Variants in VRTN observed in about 807,000 individuals in gnomAD.
VRTN encodes vertebrae development associated.
VRTN carries 5 observed loss-of-function variants against 18.2 expected under a neutral mutation model. The ratio of observed to expected loss-of-function variants is 0.27; its 90% CI spans 0.14 to 0.58. VRTN has a LOEUF of 0.58. Ranked by LOEUF, VRTN falls within the 20% of genes least tolerant of loss-of-function variation. The pLI, the probability that VRTN is intolerant of heterozygous loss-of-function variation, is 0.91. For synonymous variants in VRTN, 381 were observed against 393.7 expected, an observed-to-expected ratio of 0.97 and a Z score of 0.38; for missense variants, 741 against 939.4, an observed-to-expected ratio of 0.79 and a Z score of 2.76.
intron 1 of VRTN, among the ~76,000 whole-genome samples, chr14:74,353,931 C>A (rs1447264524): frequency 6.6e-6 from 1 of 151,934 alleles, no homozygotes; most frequent in African/African-American, 2.4e-5. Flanking sequence ...ACCATGCTAG[C>A]CAGGATGGAT....
chr14:74,348,832 A>AT (rs2085662623), intron 1 of VRTN, among the ~76,000 whole-genome samples, 180 bp downstream of exon 1: 1 of 151,610 alleles, frequency 6.6e-6, no homozygotes, highest in Non-Finnish European at 1.5e-5. Flanking sequence ...GAGAGGACGC[A>AT]TTGTTTCAAG....
intron 1 of VRTN, among the ~76,000 whole-genome samples, chr14:74,322,284 G>A (rs1291999410): frequency 6.6e-6 from 1 of 151,834 alleles, no homozygotes; most frequent in Non-Finnish European, 1.5e-5. Context: ...TGAGTAGCTG[G>A]GACCACAGGA....
rs1567041645 is a variant in VRTN, at chr14:74,331,547, TATA to T, written c.-163-6175_-163-6173del. 7.5e-4 allele frequency among the ~76,000 whole-genome samples: 20 copies of T among 26,728 alleles called. 1 individual carries two copies. The South Asian group carries it at 0.013, about 17-fold the overall frequency. 17.5% of individuals were successfully genotyped at this position (26,728 alleles called of 152,430 possible). On this transcript the variant is annotated intron_variant, in intron 1 of 2. Transcript: ENST00000557177. ...TCCATCTCAAAAAAAAAAAATTTTA[TATA>T]TATATATATATATATATATATATAT...
intron 1 of VRTN, among the ~76,000 whole-genome samples, chr14:74,330,135 A>T (rs1372490068): frequency 6.6e-6 from 1 of 151,862 alleles, no homozygotes; most frequent in Non-Finnish European, 1.5e-5. Context: ...TCGGCCTCCC[A>T]GAGTGCTAGG....
chr14:74,303,178 C>T, the VRTN span: 1 of 408,226 alleles, frequency 2.4e-6, no homozygotes, highest in Non-Finnish European at 4.3e-6. Flanking sequence ...TACTTTATGG[C>T]AAGTATTTTA....
upstream of VRTN, among the ~76,000 whole-genome samples, chr14:74,343,748 C>T (rs950918599): frequency 6.6e-6 from 1 of 152,074 alleles, no homozygotes; most frequent in African/African-American, 2.4e-5. Flanking sequence ...GTAAAATACA[C>T]ACCAGATTTT....
chr14:74,350,743 T>A (rs1418246091), intron 1 of VRTN, among the ~76,000 whole-genome samples: 2 of 152,134 alleles, frequency 1.3e-5, no homozygotes, highest in Admixed American at 1.3e-4. Context: ...GGACTAGGGA[T>A]CCTGTAGATA....
At chr14:74,352,185 AT>A (rs2085690406) in intron 1 of VRTN, among the ~76,000 whole-genome samples, 2 of 146,488 alleles carry the variant, frequency 1.4e-5, no homozygotes, top group Non-Finnish European at 3.0e-5. Flanking sequence ...TTTATGTTTT[AT>A]TTTTTATTTT....
At position 74,358,471 on chromosome 14, in the gene VRTN, C is replaced by T. The variant is rs940877540; in HGVS notation, c.1688C>T (p.Pro563Leu). The T allele has an allele frequency of 5.0e-6, 8 of 1,614,052 alleles. No individual in the cohort carries two copies. In the Admixed American group the frequency reaches 1.2e-4, roughly 24 times the overall value. Residue 563 changes from proline (P) to leucine (L), a missense_variant, in exon 2 of 2, where the codon CCC becomes CTC. Pro to Leu is a moderately conservative substitution (Grantham distance 98). This residue lies in a region of VRTN where 494 missense variants were observed against 546.5 expected (regional missense o/e 0.90). Transcript: ENST00000256362. This position sits in a 1 kb window ranked among gnomAD's most constrained non-coding sequence, Gnocchi z 5.4. ...RGLSKLQVPVPTLGKGGQEAE... is the reference protein window; with the variant it reads ...RGLSKLQVPVLTLGKGGQEAE... ...CTGTCCAAACTTCAGGTGCCGGTCC[C>T]CACCTTGGGCAAAGGGGGGCAGGAG...
rs536688888 is a variant in VRTN, at chr14:74,320,203, T to A, written c.-164+17027T>A. ...TCTTCGAGGCTGCAGTGAGCTATGATTATGCCACTGTACTCCAGCCTGGGT... is the reference window on the plus strand; with the variant it reads ...TCTTCGAGGCTGCAGTGAGCTATGAATATGCCACTGTACTCCAGCCTGGGT... On this transcript the variant is annotated intron_variant, in intron 1 of 2. Coordinates refer to the VRTN transcript ENST00000557177. Among the ~76,000 whole-genome samples the A allele has an allele frequency of 2.0e-5, 3 of 151,712 alleles. No individual in the cohort carries two copies. The South Asian group carries it at 6.3e-4, about 32-fold the overall frequency.
chr14:74,321,505 C>CT (rs564056249), intron 1 of VRTN, among the ~76,000 whole-genome samples: 24,914 of 129,078 alleles, frequency 0.19, 3,501 homozygotes, highest in East Asian at 0.54. Context: ...CTTTCATTTG[C>CT]TTTTTTTTTT....
intron 1 of VRTN, among the ~76,000 whole-genome samples, chr14:74,324,805 T>C (rs1462202607): frequency 6.6e-6 from 1 of 152,078 alleles, no homozygotes; most frequent in Admixed American, 6.6e-5. Context: ...GAGGATGGCT[T>C]GAGCCCAGGA....
chr14:74,310,869 G>T (rs867063523), intron 1 of VRTN, among the ~76,000 whole-genome samples: 1 of 151,222 alleles, frequency 6.6e-6, no homozygotes. Flanking sequence ...AAAAAAATTT[G>T]GGGGGGTAAA....
chr14:74,333,003 C>T (rs551877201), intron 1 of VRTN, among the ~76,000 whole-genome samples: 1 of 152,276 alleles, frequency 6.6e-6, no homozygotes, highest in African/African-American at 2.4e-5. Context: ...TGCATGTCTC[C>T]CAAGCTAGAT....
chr14:74,359,063 A>G lies in VRTN; in HGVS notation c.*171A>G. 5 of 1,281,798 alleles carry G rather than the reference A, an allele frequency of 3.9e-6. No individual in the cohort carries two copies. Among genetic ancestry groups the G allele is most frequent in the Non-Finnish European group, 5.1e-6 (5 of 984,490 alleles). The allele number at this position is 1,281,798 out of a possible 1,614,324, so 79.4% of individuals were successfully genotyped here. A position where few individuals can be genotyped will look rare whatever the true frequency, so the allele number is the denominator to read the frequency against. On this transcript the variant is annotated 3_prime_UTR_variant, in exon 2 of 2. Transcript: ENST00000256362. ...TTCTGGCTCCAGGACAGAGAATGCC[A>G]GAAATCAGCCATCTGGTCTCCCGTA...
chr14:74,351,867 C>T (rs191838943), intron 1 of VRTN, among the ~76,000 whole-genome samples: 24 of 151,498 alleles, frequency 1.6e-4, no homozygotes, highest in Admixed American at 1.1e-3. Flanking sequence ...TTTTTTGAGA[C>T]GGAGTCTCGC....
intron 2 of VRTN, among the ~76,000 whole-genome samples, chr14:74,339,038 C>CTT (rs61338897): frequency 6.6e-6 from 1 of 150,688 alleles, no homozygotes; most frequent in Non-Finnish European, 1.5e-5. Context: ...TTTTTCTTTT[C>CTT]TTTTTTTTTG....
chr14:74,307,137 CT>C (rs56345315), intron 1 of VRTN, among the ~76,000 whole-genome samples: 1,419 of 87,718 alleles, frequency 0.016, 12 homozygotes, highest in African/African-American at 0.052. Context: ...TGTTGTGGCC[CT>C]TTTTTTTTTT....
At chr14:74,319,435 C>A (rs981704908) in intron 1 of VRTN, among the ~76,000 whole-genome samples, 1 of 152,244 alleles carries the variant, frequency 6.6e-6, no homozygotes, top group South Asian at 2.1e-4. Flanking sequence ...TGTGGTTCTG[C>A]AGCTCATCCA....
Sources: gnomAD v4.1 joint callset for allele counts (sites outside exome capture counted in the v4.1 genomes callset) on GRCh38, gnomAD v4.1.1 for gene constraint, gnomAD v4.1.1 regional missense constraint, Gnocchi (gnomAD v3.1) non-coding constraint, MANE v1.5 for transcripts, NCBI Gene and HGNC (gene_info 2026-07-23, HGNC 2026-07-21) for gene names.